Variants in GPC6 observed in about 807,000 individuals in gnomAD.
The protein encoded by GPC6 is glypican-6.
In GPC6, 14 loss-of-function variants were observed where a neutral mutation model predicts 55.2. That is an observed-to-expected ratio of 0.25 (90% CI 0.17 to 0.40). GPC6 has a LOEUF of 0.40. Among genes scored for constraint, GPC6 ranks in the 10% least tolerant of loss-of-function variants. The pLI is 1.00. For synonymous variants in GPC6, 278 were observed against 259.6 expected, an observed-to-expected ratio of 1.07 and a Z score of -0.68; for missense variants, 641 against 708.5, an observed-to-expected ratio of 0.90 and a Z score of 1.08.
At chr13:93,899,333 G>A (rs1349523425) in intron 3 of GPC6, among the ~76,000 whole-genome samples, 1 of 151,858 alleles carries the variant, frequency 6.6e-6, no homozygotes, top group Non-Finnish European at 1.5e-5. Flanking sequence ...GATTAACTCA[G>A]ATTTAGTGGC....
chr13:93,511,265 A>C lies in GPC6; in HGVS notation c.161-33998A>C, dbSNP rs151149120. On this transcript the variant is annotated intron_variant, in intron 1 of 8. Transcript: ENST00000377047. ...GGTCTTAGTCGTAAGTTCTTTGTCT[A>C]GAACAATATACAGGAGGGGTTTCCT... Among the ~76,000 whole-genome samples, 3 of 151,682 alleles carry C rather than the reference A, an allele frequency of 2.0e-5. No individual in the cohort carries two copies. The East Asian group carries it at 5.8e-4, about 29-fold the overall frequency.
chr13:93,248,535 C>T (rs900228031), intron 1 of GPC6, among the ~76,000 whole-genome samples: 2 of 151,088 alleles, frequency 1.3e-5, no homozygotes, highest in Admixed American at 6.6e-5. Context: ...TTTCCCAGTA[C>T]GACACTTCCT....
At chr13:93,337,865 G>T (rs536022227) in intron 1 of GPC6, among the ~76,000 whole-genome samples, 1 of 152,264 alleles carries the variant, frequency 6.6e-6, no homozygotes, top group South Asian at 2.1e-4. Context: ...GAAGTTTATA[G>T]GTTCTGTTTT....
chr13:93,378,207 A>G (rs975113618), intron 1 of GPC6, among the ~76,000 whole-genome samples: 1 of 152,238 alleles, frequency 6.6e-6, no homozygotes. Context: ...AGAAATGACC[A>G]AAGAAATGAT....
chr13:94,061,258 T>C (rs1884312223), intron 4 of GPC6, among the ~76,000 whole-genome samples: 1 of 152,238 alleles, frequency 6.6e-6, no homozygotes, highest in Non-Finnish European at 1.5e-5. Context: ...CTTGTTACTC[T>C]GTTTATATCC....
At chr13:93,879,010 G>A (rs1292645520) in intron 3 of GPC6, among the ~76,000 whole-genome samples, 3 of 152,030 alleles carry the variant, frequency 2.0e-5, no homozygotes, top group Admixed American at 6.6e-5. Context: ...AGTGATAAGC[G>A]TTTCTCAAAA....
At chr13:93,593,289 A>G (rs1034594349) in intron 2 of GPC6, among the ~76,000 whole-genome samples, 3 of 152,134 alleles carry the variant, frequency 2.0e-5, no homozygotes, top group Non-Finnish European at 4.4e-5. Context: ...CTAATCTGAA[A>G]CAAATAAGTT....
At chr13:93,807,693 A>C (rs568011211) in intron 2 of GPC6, among the ~76,000 whole-genome samples, 1 of 152,314 alleles carries the variant, frequency 6.6e-6, no homozygotes, top group East Asian at 1.9e-4. Flanking sequence ...AAAACACTCA[A>C]TGCTTGATAG....
intron 6 of GPC6, among the ~76,000 whole-genome samples, chr13:94,335,686 C>T (rs1877651910): frequency 6.6e-6 from 1 of 152,140 alleles, no homozygotes; most frequent in South Asian, 2.1e-4. Context: ...AGACACTTTG[C>T]AAGCTATCTG....
intron 1 of GPC6, among the ~76,000 whole-genome samples, chr13:93,390,388 C>T (rs1263141754): frequency 6.6e-6 from 1 of 152,080 alleles, no homozygotes; most frequent in Non-Finnish European, 1.5e-5. Flanking sequence ...TTATGACTTT[C>T]TCCTTTTCTG....
chr13:94,110,328 G>A (rs1886199058), intron 4 of GPC6, among the ~76,000 whole-genome samples: 1 of 152,130 alleles, frequency 6.6e-6, no homozygotes, highest in Middle Eastern at 3.4e-3. Context: ...TAGAATTATG[G>A]AGTACTCAGT....
rs189423555 is a variant in GPC6, at chr13:94,309,543, C to A, written c.1152+3420C>A. ...TATATTTATAAGGAACTTATAAATTCTTTTGTATCTCTAGGGAACATTTCC... is the reference window on the plus strand; with the variant it reads ...TATATTTATAAGGAACTTATAAATTATTTTGTATCTCTAGGGAACATTTCC... On this transcript the variant is annotated intron_variant, in intron 6 of 8. Transcript: ENST00000377047. 2.7e-4 allele frequency among the ~76,000 whole-genome samples: 40 copies of A among 145,862 alleles called. No homozygotes were observed. In the East Asian group the frequency reaches 9.2e-3, roughly 33 times the overall value.
chr13:93,912,613 G>C (rs184834940), intron 3 of GPC6, among the ~76,000 whole-genome samples: 2,428 of 152,170 alleles, frequency 0.016, 22 homozygotes, highest in Non-Finnish European at 0.026. Context: ...TGTGGTGGCG[G>C]GCGCCTGTAG....
chr13:94,202,345 T>G (rs941113763), intron 4 of GPC6, among the ~76,000 whole-genome samples: 32 of 152,190 alleles, frequency 2.1e-4, no homozygotes, highest in African/African-American at 6.5e-4. Flanking sequence ...GAGACTGGGT[T>G]ATTTATAAAG....
chr13:94,060,821 A>C (rs1237517796), intron 4 of GPC6, among the ~76,000 whole-genome samples: 1 of 152,114 alleles, frequency 6.6e-6, no homozygotes, highest in Non-Finnish European at 1.5e-5. Flanking sequence ...TACCATACAA[A>C]CTTTTTTAAT....
chr13:94,056,860 A>G (rs1200028420), intron 4 of GPC6, among the ~76,000 whole-genome samples: 2 of 152,238 alleles, frequency 1.3e-5, no homozygotes, highest in Non-Finnish European at 2.9e-5. Context: ...GACATTATTC[A>G]TGATAAGACA....
At chr13:93,346,343 A>G (rs1594109606) in intron 1 of GPC6, among the ~76,000 whole-genome samples, 3 of 152,300 alleles carry the variant, frequency 2.0e-5, no homozygotes, top group South Asian at 2.1e-4. Context: ...TGTTTCCTGT[A>G]TATAATTGCC....
intron 1 of GPC6, among the ~76,000 whole-genome samples, chr13:93,418,985 G>A (rs1876822244): frequency 6.6e-6 from 1 of 150,780 alleles, no homozygotes; most frequent in Non-Finnish European, 1.5e-5. Context: ...TTTATTAATA[G>A]CACTATACCA....
chr13:93,914,940 C>T (rs1877210579), intron 3 of GPC6, among the ~76,000 whole-genome samples: 1 of 152,094 alleles, frequency 6.6e-6, no homozygotes, highest in Non-Finnish European at 1.5e-5. Context: ...AACCTGGATC[C>T]CCTAACCTCA....
Sources: allele counts gnomAD v4.1 joint callset (sites outside exome capture counted in the v4.1 genomes callset), GRCh38; gene constraint gnomAD v4.1.1; transcripts MANE v1.5; gene names NCBI Gene and HGNC (gene_info 2026-07-23, HGNC 2026-07-21).